The following CNTN4 variants were observed in gnomAD, a reference collection of about 807,000 sequenced individuals.
CNTN4 encodes contactin 4.
CNTN4 carries 77 observed loss-of-function variants against 122.5 expected under a neutral mutation model. The ratio of observed to expected loss-of-function variants is 0.63; its 90% CI spans 0.52 to 0.76. The LOEUF is 0.76. Among genes scored for constraint, CNTN4 ranks in the 30% least tolerant of loss-of-function variants. The pLI, the probability that CNTN4 is intolerant of heterozygous loss-of-function variation, is 0.00. For missense variants in CNTN4, 1,256 were observed against 1,259.1 expected (o/e 1.00, Z 0.04); for synonymous variants, 512 against 447.0 (o/e 1.15, Z -1.83).
At chr3:2,261,917 C>T (rs888559221) in intron 2 of CNTN4, among the ~76,000 whole-genome samples, 2 of 152,078 alleles carry the variant, frequency 1.3e-5, no homozygotes, top group Admixed American at 1.3e-4. Flanking sequence ...CAAATGCTGT[C>T]GTCTTTTGCT....
intron 5 of CNTN4, among the ~76,000 whole-genome samples, chr3:2,740,840 A>G (rs1373440327): frequency 2.0e-5 from 3 of 152,216 alleles, no homozygotes; most frequent in Non-Finnish European, 4.4e-5. Flanking sequence ...CAGTATTAGT[A>G]TAGTGGATAT....
chr3:2,443,960 C>A (rs1475324062), intron 3 of CNTN4, among the ~76,000 whole-genome samples: 1 of 152,016 alleles, frequency 6.6e-6, no homozygotes, highest in Non-Finnish European at 1.5e-5. Flanking sequence ...TCGGATAAAC[C>A]AATTTTGAGT....
At chr3:2,405,632 TA>T (rs2150996580) in intron 3 of CNTN4, among the ~76,000 whole-genome samples, 1 of 150,214 alleles carries the variant, frequency 6.7e-6, no homozygotes, top group South Asian at 2.1e-4. Context: ...GATAGATAGA[TA>T]GATAGGAGTC....
At chr3:2,793,051 A>G (rs2149989644) in intron 6 of CNTN4, among the ~76,000 whole-genome samples, 1 of 152,296 alleles carries the variant, frequency 6.6e-6, no homozygotes, top group East Asian at 1.9e-4. Flanking sequence ...CAGCAAGTTC[A>G]GTTGCTGAAT....
At chr3:2,255,690 T>G (rs1250810174) in intron 2 of CNTN4, among the ~76,000 whole-genome samples, 1 of 152,164 alleles carries the variant, frequency 6.6e-6, no homozygotes, top group Non-Finnish European at 1.5e-5. Flanking sequence ...GAATGACTAC[T>G]GGGTAAATAA....
chr3:2,566,455 A>C (rs13314223), intron 3 of CNTN4, among the ~76,000 whole-genome samples: 5,141 of 152,240 alleles, frequency 0.034, 308 homozygotes, highest in African/African-American at 0.12. Context: ...GCAGGTCCAC[A>C]AGAGATGTTA....
chr3:2,413,451 G>A (rs1418934120), intron 3 of CNTN4, among the ~76,000 whole-genome samples: 7 of 152,008 alleles, frequency 4.6e-5, no homozygotes, highest in Non-Finnish European at 1.0e-4. Context: ...CTAATTTGTT[G>A]GACATCTAGG....
chr3:2,427,384 G>C (rs1328809843), intron 3 of CNTN4, among the ~76,000 whole-genome samples: 1 of 152,186 alleles, frequency 6.6e-6, no homozygotes, highest in African/African-American at 2.4e-5. Context: ...GAGCAGTTTT[G>C]AGTGAGTTTC....
intron 2 of CNTN4, among the ~76,000 whole-genome samples, chr3:2,170,014 C>T (rs2036399595): frequency 6.6e-6 from 1 of 151,758 alleles, no homozygotes; most frequent in South Asian, 2.1e-4. Context: ...TTAGCTAATA[C>T]TTGCAAGAAT....
chr3:2,935,369 A>G (rs12054381), intron 13 of CNTN4, among the ~76,000 whole-genome samples: 5 of 151,996 alleles, frequency 3.3e-5, no homozygotes, highest in Admixed American at 2.6e-4. Context: ...AGTGTCTCAC[A>G]TATTAATCCC....
intron 14 of CNTN4, among the ~76,000 whole-genome samples, chr3:3,016,496 A>G (rs62234383): frequency 2.0e-5 from 3 of 152,186 alleles, no homozygotes; most frequent in Non-Finnish European, 4.4e-5. Context: ...GGTCATGGGT[A>G]AAAATAAAAA....
At chr3:2,921,314 G>T (rs2094427968) in intron 12 of CNTN4, among the ~76,000 whole-genome samples, 1 of 152,224 alleles carries the variant, frequency 6.6e-6, no homozygotes, top group Non-Finnish European at 1.5e-5. Flanking sequence ...TGGGATTACA[G>T]GCGTGAGCCA....
rs1377098213 is a variant in CNTN4, at chr3:2,259,087, T to A, written c.-144-80091T>A. On this transcript the variant is annotated intron_variant, in intron 2 of 24. Coordinates refer to ENST00000418658, the MANE Select transcript of CNTN4 (RefSeq NM_175607.3). Reference sequence around the variant, plus strand: ...GCTCTAGTAGTTGGTTATTTAGTGATTTTTTTTTTTGGCTCTGTAAATTTG... The same window carrying A: ...GCTCTAGTAGTTGGTTATTTAGTGAATTTTTTTTTTGGCTCTGTAAATTTG... 2.8e-5 allele frequency among the ~76,000 whole-genome samples: 4 copies of A among 145,086 alleles called. No homozygotes were observed. The East Asian group carries it at 5.9e-4, about 21-fold the overall frequency.
At chr3:2,198,110 C>T (rs181756541) in intron 2 of CNTN4, among the ~76,000 whole-genome samples, 40 of 151,914 alleles carry the variant, frequency 2.6e-4, no homozygotes, top group African/African-American at 8.9e-4. Context: ...AGTTTCAGCA[C>T]ATGGGGTTCC....
At chr3:2,500,200 A>C (rs984762255) in intron 3 of CNTN4, among the ~76,000 whole-genome samples, 3 of 152,068 alleles carry the variant, frequency 2.0e-5, no homozygotes, top group African/African-American at 7.2e-5. Context: ...TCCCCTGAAT[A>C]ATACCAGGAG....
chr3:2,963,596 G>A (rs1033730951), intron 13 of CNTN4, among the ~76,000 whole-genome samples: 10 of 151,962 alleles, frequency 6.6e-5, no homozygotes, highest in South Asian at 2.1e-4. Context: ...ACTTATCATC[G>A]ATTAGATCTT....
chr3:2,755,285 C>A (rs554837247), intron 6 of CNTN4, among the ~76,000 whole-genome samples: 1 of 152,092 alleles, frequency 6.6e-6, no homozygotes, highest in African/African-American at 2.4e-5. Context: ...AACAGGCAAA[C>A]TTTTTTTCTG....
chr3:2,280,041 A>C (rs1198936706), intron 2 of CNTN4, among the ~76,000 whole-genome samples: 4 of 147,910 alleles, frequency 2.7e-5, no homozygotes, highest in Non-Finnish European at 6.1e-5. Flanking sequence ...TATGTTTATG[A>C]CCTACAAGTA....
At chr3:2,390,242 G>GTGTGTA (rs2046395197) in intron 3 of CNTN4, among the ~76,000 whole-genome samples, 2 of 151,542 alleles carry the variant, frequency 1.3e-5, no homozygotes, top group African/African-American at 4.8e-5. Flanking sequence ...GTGTGTGTGT[G>GTGTGTA]TGTGTGTGTA....
Sources: gnomAD v4.1 joint callset for allele counts (sites outside exome capture counted in the v4.1 genomes callset) on GRCh38, gnomAD v4.1.1 for gene constraint, MANE v1.5 for transcripts, NCBI Gene and HGNC (gene_info 2026-07-23, HGNC 2026-07-21) for gene names.